The following NRG1 variants were observed in gnomAD, a reference collection of about 807,000 sequenced individuals.
NRG1 encodes the protein neuregulin 1, also known as pro-neuregulin-1, membrane-bound isoform.
A neutral mutation model predicts 63.8 loss-of-function variants in NRG1; 18 were observed. That is an observed-to-expected ratio of 0.28 (90% CI 0.19 to 0.42). The LOEUF is 0.42. Ranked by LOEUF, NRG1 falls within the 10% of genes least tolerant of loss-of-function variation. NRG1 has a pLI of 1.00. For synonymous variants in NRG1, 302 were observed against 301.3 expected (o/e 1.00, Z -0.02); for missense variants, 762 against 814.7 (o/e 0.94, Z 0.79).
intron 1 of NRG1, among the ~76,000 whole-genome samples, chr8:32,292,364 G>A (rs1854304581): frequency 6.6e-6 from 1 of 152,100 alleles, no homozygotes; most frequent in Middle Eastern, 3.2e-3. Context: ...AAATGCCAGT[G>A]ACTTTAACTC....
chr8:32,320,069 T>A (rs572037014), intron 1 of NRG1, among the ~76,000 whole-genome samples: 1 of 152,286 alleles, frequency 6.6e-6, no homozygotes, highest in African/African-American at 2.4e-5. Flanking sequence ...GCTGTACGAC[T>A]GTGAGCAAGT....
In NRG1 at chr8:32,043,985, G is replaced by A. The variant is rs551186973; in HGVS notation, c.37+404554G>A. 2.0e-5 allele frequency among the ~76,000 whole-genome samples: 3 copies of A among 151,620 alleles called. No homozygotes were observed. The East Asian group carries it at 5.8e-4, about 29-fold the overall frequency. ...TGCATTAAATGTAAATGGTCTAAAG[G>A]GCCAATTTAAAGGCTAATGATTACC... On this transcript the variant is annotated intron_variant, in intron 1 of 10. Coordinates refer to the NRG1 transcript ENST00000519301.
chr8:31,808,308 CTT>C (rs996153107), intron 1 of NRG1, among the ~76,000 whole-genome samples: 7 of 151,854 alleles, frequency 4.6e-5, no homozygotes, highest in African/African-American at 1.7e-4. Flanking sequence ...ATTATTTCAT[CTT>C]TTGTTTCAAT....
At chr8:32,423,141 G>T (rs1173808864) in intron 1 of NRG1, among the ~76,000 whole-genome samples, 2 of 152,190 alleles carry the variant, frequency 1.3e-5, no homozygotes, top group African/African-American at 4.8e-5. Context: ...TGGGTGGCCT[G>T]TGGTATTCAA....
chr8:32,391,980 A>G (rs1297865699), intron 1 of NRG1, among the ~76,000 whole-genome samples: 1 of 152,164 alleles, frequency 6.6e-6, no homozygotes, highest in Non-Finnish European at 1.5e-5. Context: ...AAATATTAAA[A>G]CTTTTGAAAA....
intron 1 of NRG1, among the ~76,000 whole-genome samples, chr8:31,739,723 TTTCTC>T (rs1251116186): frequency 6.6e-6 from 1 of 152,114 alleles, no homozygotes; most frequent in East Asian, 1.9e-4. Flanking sequence ...AGAATGAGAA[TTTCTC>T]TTCTTTTGAT....
At position 31,834,416 on chromosome 8, in the gene NRG1, T is replaced by A. The variant is rs547843978; in HGVS notation, c.37+194985T>A. Among the ~76,000 whole-genome samples the A allele has an allele frequency of 2.2e-4, 33 of 152,266 alleles. No homozygotes were observed. The South Asian group carries it at 5.2e-3, about 24-fold the overall frequency. ...TCTGAAGCAATTAATCTGTAGAAGA[T>A]GCTACATATGCTGGGTGTAGTGGCT... On this transcript the variant is annotated intron_variant, in intron 1 of 10. Coordinates refer to the NRG1 transcript ENST00000519301.
At chr8:31,906,932 C>T (rs1832564742) in intron 1 of NRG1, among the ~76,000 whole-genome samples, 1 of 151,966 alleles carries the variant, frequency 6.6e-6, no homozygotes, top group Non-Finnish European at 1.5e-5. Flanking sequence ...AAAACTACAG[C>T]AAAAAATGTA....
At chr8:32,449,013 G>A (rs955102919) in intron 1 of NRG1, among the ~76,000 whole-genome samples, 5 of 152,134 alleles carry the variant, frequency 3.3e-5, no homozygotes, top group South Asian at 2.1e-4. Flanking sequence ...CAAAGCCATC[G>A]GCCGGGCATG....
At chr8:32,168,303 C>G (rs755020704) in intron 1 of NRG1, among the ~76,000 whole-genome samples, 2 of 152,216 alleles carry the variant, frequency 1.3e-5, no homozygotes, top group Non-Finnish European at 1.5e-5. Context: ...TATTGTCTGT[C>G]TACCATGTAT....
intron 4 of NRG1, among the ~76,000 whole-genome samples, chr8:32,614,856 A>T (rs116284841): frequency 6.6e-6 from 1 of 152,236 alleles, no homozygotes; most frequent in African/African-American, 2.4e-5. Context: ...CTGAGTTACA[A>T]GCTCAGTTTT....
intron 1 of NRG1, among the ~76,000 whole-genome samples, chr8:31,792,698 C>T (rs568179931): frequency 5.9e-4 from 90 of 152,308 alleles, no homozygotes; most frequent in Admixed American, 2.5e-3. Context: ...TCTGGACTTA[C>T]GTCTTGGCCT....
chr8:32,652,239 A>G (rs1855289338), intron 5 of NRG1, among the ~76,000 whole-genome samples: 2 of 152,122 alleles, frequency 1.3e-5, no homozygotes, highest in South Asian at 4.1e-4. Context: ...AGTGCATATC[A>G]CTAAAATTAA....
At chr8:32,752,998 TC>T (rs2129051331) in intron 7 of NRG1, among the ~76,000 whole-genome samples, 1 of 152,310 alleles carries the variant, frequency 6.6e-6, no homozygotes, top group South Asian at 2.1e-4. Flanking sequence ...CAAGAAAACT[TC>T]CTGCAAGCTG....
At chr8:31,657,963 C>G (rs751729749) in intron 1 of NRG1, among the ~76,000 whole-genome samples, 1 of 152,154 alleles carries the variant, frequency 6.6e-6, no homozygotes, top group Non-Finnish European at 1.5e-5. Context: ...TCTCTGCCAA[C>G]GTGGGTACCT....
intron 1 of NRG1, among the ~76,000 whole-genome samples, chr8:32,409,481 T>G (rs1389054137): frequency 6.6e-6 from 1 of 152,152 alleles, no homozygotes; most frequent in African/African-American, 2.4e-5. Flanking sequence ...ACATACAGGA[T>G]GGGTGAAAAT....
chr8:32,578,817 A>G (rs909089114), intron 1 of NRG1, among the ~76,000 whole-genome samples: 6 of 152,210 alleles, frequency 3.9e-5, no homozygotes, highest in Admixed American at 3.3e-4. Flanking sequence ...TGCAAGAAAT[A>G]TCTTTCTTTA....
chr8:31,927,026 G>C (rs762488612), intron 1 of NRG1, among the ~76,000 whole-genome samples: 18 of 151,788 alleles, frequency 1.2e-4, no homozygotes, highest in Non-Finnish European at 2.2e-4. Flanking sequence ...ATTTTTTTTA[G>C]TAATAAATTA....
chr8:32,055,657 C>G (rs1822792990), intron 1 of NRG1, among the ~76,000 whole-genome samples: 1 of 138,366 alleles, frequency 7.2e-6, no homozygotes, highest in Admixed American at 8.2e-5. Flanking sequence ...GGAAGGTATA[C>G]TACATATTTT....
Sources: allele counts gnomAD v4.1 joint callset (sites outside exome capture counted in the v4.1 genomes callset), GRCh38; gene constraint gnomAD v4.1.1; transcripts MANE v1.5; gene names NCBI Gene and HGNC (gene_info 2026-07-23, HGNC 2026-07-21).